Variants in SMOC1 observed in about 807,000 individuals in gnomAD.
The protein encoded by SMOC1 is SPARC related modular calcium binding 1.
In SMOC1, 22 loss-of-function variants were observed where a neutral mutation model predicts 56.3. The observed-to-expected ratio is 0.39, with a 90% CI of 0.28 to 0.56. The LOEUF (loss-of-function observed/expected upper bound fraction) is 0.56. SMOC1 is among the 20% of genes least tolerant of loss of function. The probability of loss-of-function intolerance (pLI) is 0.61; values close to 1 mark genes in which losing one functional copy is unlikely to be tolerated. For synonymous variants in SMOC1, 193 were observed against 215.0 expected, an observed-to-expected ratio of 0.90 and a Z score of 0.89; for missense variants, 509 against 565.4, an observed-to-expected ratio of 0.90 and a Z score of 1.01.
chr14:69,954,736 A>T (rs1883128080), intron 3 of SMOC1, among the ~76,000 whole-genome samples: 1 of 152,166 alleles, frequency 6.6e-6, no homozygotes, highest in Non-Finnish European at 1.5e-5. Context: ...GTCCAATCAA[A>T]CAACATTTGG....
chr14:69,894,854 GGCC>G (rs1884053500), intron 1 of SMOC1, among the ~76,000 whole-genome samples: 3 of 152,332 alleles, frequency 2.0e-5, no homozygotes, highest in South Asian at 4.2e-4. Context: ...AGAATAGATA[GGCC>G]ATGTGAAGAT....
At chr14:69,944,629 G>A (rs12590177) in intron 1 of SMOC1, among the ~76,000 whole-genome samples, 2 of 152,138 alleles carry the variant, frequency 1.3e-5, no homozygotes, top group South Asian at 4.2e-4. Flanking sequence ...CATGCGTATG[G>A]TAGCTGCCCG....
intron 11 of SMOC1, among the ~76,000 whole-genome samples, chr14:70,027,768 T>A (rs968838015): frequency 1.3e-5 from 2 of 152,208 alleles, no homozygotes; most frequent in African/African-American, 4.8e-5. Flanking sequence ...TGTAATCAGA[T>A]AATGTGTGTG....
In SMOC1 at chr14:69,998,136, G is replaced by T. The variant is rs139996328; in HGVS notation, c.664+3656G>T. On this transcript the variant is annotated intron_variant, in intron 7 of 11. Coordinates refer to ENST00000361956, the MANE Select transcript of SMOC1 (RefSeq NM_001034852.3). The stretch of plus-strand genomic sequence containing the variant: ...CTCCCTCTCTGCTCCTGGAAGTTTT[G>T]GCCCTTGTTTTTAAGGCTTTGTCAT... Among the ~76,000 whole-genome samples, 339 of 152,250 alleles carry T rather than the reference G, an allele frequency of 2.2e-3. 9 individuals are homozygous for T. The highest frequency in any genetic ancestry group is 0.017 in the Admixed American group (267 of 15,302).
Position 69,955,144 on chromosome 14 carries a change from G to A in SMOC1, c.378+1612G>A, listed in dbSNP as rs557690024. ...CCCATTTATAGATGATGCAACAGGT[G>A]TGGGATGTGGAGTGGCAGAGCTGGG... On this transcript the variant is annotated intron_variant, in intron 3 of 11. Transcript: ENST00000361956. 1.2e-4 allele frequency among the ~76,000 whole-genome samples: 19 copies of A among 152,322 alleles called. 1 individual carries two copies. In the East Asian group the frequency reaches 2.5e-3, roughly 20 times the overall value.
intron 1 of SMOC1, among the ~76,000 whole-genome samples, chr14:69,910,471 A>G (rs562558266): frequency 6.6e-6 from 1 of 152,354 alleles, no homozygotes; most frequent in East Asian, 1.9e-4. Flanking sequence ...AGGGTAGAGT[A>G]TACGATGGCC....
chr14:69,972,931 C>T (rs2139494252), intron 3 of SMOC1, among the ~76,000 whole-genome samples: 1 of 152,306 alleles, frequency 6.6e-6, no homozygotes, highest in Admixed American at 6.5e-5. Flanking sequence ...CAGCCTCGGG[C>T]GATGGACTTG....
chr14:69,982,086 G>A (rs1304861109), intron 5 of SMOC1, among the ~76,000 whole-genome samples: 1 of 152,202 alleles, frequency 6.6e-6, no homozygotes, highest in Non-Finnish European at 1.5e-5. Context: ...AGGCCATGGG[G>A]TGATGCTGTG....
chr14:69,996,020 TG>T (rs1380479740), intron 7 of SMOC1, among the ~76,000 whole-genome samples: 1 of 152,184 alleles, frequency 6.6e-6, no homozygotes, highest in Non-Finnish European at 1.5e-5. Flanking sequence ...CTGGAAGGTC[TG>T]CAAGACCCCC....
chr14:70,019,039 T>C (rs1239014615), intron 10 of SMOC1, among the ~76,000 whole-genome samples: 1 of 152,236 alleles, frequency 6.6e-6, no homozygotes, highest in Non-Finnish European at 1.5e-5. Flanking sequence ...GGTTTCCTTG[T>C]GGTAAACGGA....
intron 1 of SMOC1, among the ~76,000 whole-genome samples, chr14:69,890,667 T>C (rs1469617579): frequency 6.6e-6 from 1 of 152,230 alleles, no homozygotes; most frequent in Non-Finnish European, 1.5e-5. Context: ...CTTTTAGGGC[T>C]AGTAACTATT....
intron 3 of SMOC1, among the ~76,000 whole-genome samples, chr14:69,971,925 T>C (rs1435427769): frequency 6.6e-6 from 1 of 152,234 alleles, no homozygotes; most frequent in Non-Finnish European, 1.5e-5. Context: ...CCTCATCAGA[T>C]AATCTGGCTC....
Position 69,879,632 on chromosome 14 carries a change from A to G in SMOC1, c.-47A>G. 1 of 1,381,676 alleles carries G rather than the reference A, an allele frequency of 7.2e-7. No individual in the cohort carries two copies. Among genetic ancestry groups the G allele is most frequent in the Non-Finnish European group, 9.4e-7 (1 of 1,064,448 alleles). The allele number at this position is 1,381,676 out of a possible 1,614,324, so 85.6% of individuals were successfully genotyped here. A position where few individuals can be genotyped will look rare whatever the true frequency, so the allele number is the denominator to read the frequency against. ...GGGAGGCGCGCTGTGCGCCCCGCGG[A>G]GCCCGCGAACCCCGCTCGCTGCCGG... On this transcript the variant is annotated 5_prime_UTR_variant, in exon 1 of 12. Transcript: ENST00000361956.
intron 1 of SMOC1, among the ~76,000 whole-genome samples, chr14:69,934,095 A>C (rs900865516): frequency 6.6e-6 from 1 of 152,170 alleles, no homozygotes; most frequent in Non-Finnish European, 1.5e-5. Context: ...TCATAGAGGT[A>C]TGTATCTTGA....
At chr14:70,019,395 G>A (rs957383827) in intron 10 of SMOC1, among the ~76,000 whole-genome samples, 3 of 152,210 alleles carry the variant, frequency 2.0e-5, no homozygotes, top group African/African-American at 7.2e-5. Context: ...CCTACCCAGT[G>A]AGCCCTTTTA....
intron 7 of SMOC1, among the ~76,000 whole-genome samples, chr14:70,005,044 C>CA (rs1265156042): frequency 1.3e-5 from 2 of 152,226 alleles, no homozygotes; most frequent in Non-Finnish European, 1.5e-5. Context: ...AGGATCTCAG[C>CA]TTTTCTGTCT....
At chr14:69,999,148 T>C (rs1884878291) in intron 7 of SMOC1, among the ~76,000 whole-genome samples, 1 of 152,222 alleles carries the variant, frequency 6.6e-6, no homozygotes, top group Non-Finnish European at 1.5e-5. Flanking sequence ...CATGTCACCT[T>C]ACCTGTCACA....
chr14:70,032,301 T>G lies in SMOC1; in HGVS notation c.*2043T>G, dbSNP rs141666125. ...GTAGGTGGTGTTGTGTGGTTTTCCTTTGTGAAGGAGAGAGGGAAACTATTT... is the reference window on the plus strand; with the variant it reads ...GTAGGTGGTGTTGTGTGGTTTTCCTGTGTGAAGGAGAGAGGGAAACTATTT... On this transcript the variant is annotated 3_prime_UTR_variant, in exon 12 of 12. Transcript: ENST00000361956. 1.3e-5 allele frequency: 2 copies of G among 152,286 alleles called. No homozygotes were observed. The highest frequency in any genetic ancestry group is 4.8e-5 in the African/African-American group (2 of 41,450). The allele number at this position is 152,286 out of a possible 1,614,324, so 9.4% of individuals were successfully genotyped here.
chr14:69,979,060 T>C (rs947877108), intron 5 of SMOC1, among the ~76,000 whole-genome samples: 2 of 151,930 alleles, frequency 1.3e-5, no homozygotes, highest in Admixed American at 6.6e-5. Context: ...CCCACCTGCA[T>C]CTAGGCCTTG....
Sources: allele counts gnomAD v4.1 joint callset (sites outside exome capture counted in the v4.1 genomes callset), GRCh38; gene constraint gnomAD v4.1.1; transcripts MANE v1.5; gene names NCBI Gene and HGNC (gene_info 2026-07-23, HGNC 2026-07-21).